Variants in ME3 observed in about 807,000 individuals in gnomAD.
ME3 encodes the protein NADP-dependent malic enzyme, mitochondrial.
In ME3, 48 loss-of-function variants were observed where a neutral mutation model predicts 68.9. That is an observed-to-expected ratio of 0.70 (90% CI 0.55 to 0.89). ME3 has a LOEUF of 0.89. Among genes scored for constraint, ME3 ranks in the 40% least tolerant of loss-of-function variants. ME3 has a pLI of 0.00. For synonymous variants in ME3, 320 were observed against 318.8 expected (o/e 1.00, Z -0.04); for missense variants, 675 against 797.4 (o/e 0.85, Z 1.85).
At chr11:86,461,606 A>G (rs2138706383) in intron 8 of ME3, among the ~76,000 whole-genome samples, 1 of 152,262 alleles carries the variant, frequency 6.6e-6, no homozygotes, top group East Asian at 1.9e-4. Flanking sequence ...AAAATAGTTA[A>G]GCCTTCATAT....
chr11:86,534,081 G>GTATATATATATATATA (rs57566563), intron 4 of ME3, among the ~76,000 whole-genome samples: 1 of 127,522 alleles, frequency 7.8e-6, no homozygotes, highest in African/African-American at 3.2e-5. Flanking sequence ...GTGTGTGTGT[G>GTATATATATATATATA]TATATATATA....
At chr11:86,641,574 A>G (rs915859389) in intron 2 of ME3, among the ~76,000 whole-genome samples, 1 of 152,238 alleles carries the variant, frequency 6.6e-6, no homozygotes, top group Non-Finnish European at 1.5e-5. Context: ...TGAATTAAAG[A>G]AAACCACTAT....
chr11:86,448,328 ACT>A, intron 10 of ME3, 73 bp from the exon 11 acceptor site: 1 of 1,133,378 alleles, frequency 8.8e-7, no homozygotes, highest in Non-Finnish European at 1.3e-6. Context: ...GCATTTGGAA[ACT>A]CTGAGAGCGT....
intron 2 of ME3, among the ~76,000 whole-genome samples, chr11:86,649,053 G>T (rs1181906918): frequency 6.6e-6 from 1 of 152,134 alleles, no homozygotes; most frequent in Non-Finnish European, 1.5e-5. Flanking sequence ...GAACATCAAT[G>T]CAAAAATTCT....
chr11:86,639,874 C>T (rs1383951571), intron 2 of ME3, among the ~76,000 whole-genome samples: 1 of 152,198 alleles, frequency 6.6e-6, no homozygotes, highest in South Asian at 2.1e-4. Context: ...AGTCTTCCAA[C>T]TACGTTTCGC....
In ME3 at chr11:86,486,073, C is replaced by T. The variant is rs372468935; in HGVS notation, c.809+1264G>A. 2.3e-4 allele frequency among the ~76,000 whole-genome samples: 35 copies of T among 152,218 alleles called. No homozygotes were observed. The South Asian group carries it at 6.6e-3, about 29-fold the overall frequency. On this transcript the variant is annotated intron_variant, in intron 7 of 14. Transcript: ENST00000543262. ...TCTTCAAGCAGATGGGACTCCCCCT[C>T]GCTCCCACCACCACATCTACCCACC...
At chr11:86,567,113 A>G (rs1359138701) in intron 2 of ME3, among the ~76,000 whole-genome samples, 5 of 152,088 alleles carry the variant, frequency 3.3e-5, no homozygotes, top group Non-Finnish European at 5.9e-5. Flanking sequence ...GCTACTCGGG[A>G]GGCTGAGGCA....
At chr11:86,545,934 C>T (rs1417394200) in intron 4 of ME3, among the ~76,000 whole-genome samples, 1 of 152,128 alleles carries the variant, frequency 6.6e-6, no homozygotes, top group African/African-American at 2.4e-5. Context: ...CTTCAGTAAC[C>T]AAAATAGCAT....
At chr11:86,578,411 AAAAC>A (rs1958240189) in intron 2 of ME3, among the ~76,000 whole-genome samples, 2 of 152,122 alleles carry the variant, frequency 1.3e-5, no homozygotes, top group Admixed American at 6.6e-5. Context: ...CAGAAGGAAG[AAAAC>A]AAACAGACAC....
At chr11:86,597,882 G>T (rs1018875761) in intron 2 of ME3, among the ~76,000 whole-genome samples, 8 of 151,990 alleles carry the variant, frequency 5.3e-5, no homozygotes, top group African/African-American at 1.9e-4. Context: ...AAATGTATTT[G>T]ATTGATGTCT....
At chr11:86,628,571 G>T (rs1223332229) in intron 2 of ME3, among the ~76,000 whole-genome samples, 4 of 152,190 alleles carry the variant, frequency 2.6e-5, no homozygotes, top group Non-Finnish European at 4.4e-5. Context: ...TCAAAGCTGA[G>T]AATCAGTGTC....
intron 5 of ME3, among the ~76,000 whole-genome samples, chr11:86,498,850 A>G (rs1952535834): frequency 1.3e-5 from 2 of 152,222 alleles, no homozygotes; most frequent in Non-Finnish European, 2.9e-5. Flanking sequence ...TTCATTTAAT[A>G]CATATTTATG....
chr11:86,511,399 G>C (rs1022859638), intron 4 of ME3, among the ~76,000 whole-genome samples: 3 of 152,102 alleles, frequency 2.0e-5, no homozygotes, highest in Non-Finnish European at 4.4e-5. Flanking sequence ...TATGTGCCAT[G>C]TTCTTCCTAC....
chr11:86,523,880 A>T (rs954742079), intron 4 of ME3, among the ~76,000 whole-genome samples: 58 of 152,324 alleles, frequency 3.8e-4, no homozygotes, highest in Non-Finnish European at 7.6e-4. Context: ...AGAATCTAAA[A>T]ATTCTAATTC....
chr11:86,556,823 G>A, intron 3 of ME3, 121 bp from the exon 4 acceptor site: 1 of 1,071,932 alleles, frequency 9.3e-7, no homozygotes, highest in Non-Finnish European at 1.4e-6. Context: ...TCATGGGCAA[G>A]CCATCTGCCC....
chr11:86,651,969 C>T (rs548337803), intron 2 of ME3, among the ~76,000 whole-genome samples: 26 of 152,164 alleles, frequency 1.7e-4, no homozygotes, highest in African/African-American at 5.5e-4. Context: ...GTAGCCGATT[C>T]GATCAACTGG....
At chr11:86,547,487 G>A (rs925499732) in intron 4 of ME3, among the ~76,000 whole-genome samples, 2 of 151,776 alleles carry the variant, frequency 1.3e-5, no homozygotes, top group Non-Finnish European at 2.9e-5. Flanking sequence ...TCGGGCGGGT[G>A]GGGGGTTGGG....
chr11:86,556,827 T>A, intron 3 of ME3, 125 bp from the exon 4 acceptor site: 1 of 1,025,334 alleles, frequency 9.8e-7, no homozygotes, highest in Non-Finnish European at 1.4e-6. Flanking sequence ...GGGCAAGCCA[T>A]CTGCCCTGAG....
At chr11:86,519,261 T>G (rs1954097231) in intron 4 of ME3, among the ~76,000 whole-genome samples, 2 of 152,152 alleles carry the variant, frequency 1.3e-5, no homozygotes, top group South Asian at 4.2e-4. Context: ...GGCATGCAAA[T>G]TACATCACTA....
Sources: gnomAD v4.1 joint callset for allele counts (sites outside exome capture counted in the v4.1 genomes callset) on GRCh38, gnomAD v4.1.1 for gene constraint, MANE v1.5 for transcripts, NCBI Gene and HGNC (gene_info 2026-07-23, HGNC 2026-07-21) for gene names.